ANO8: variants seen among roughly 807,000 people sequenced by gnomAD.
ANO8 encodes anoctamin-8.
ANO8 carries 67 observed loss-of-function variants against 120.4 expected under a neutral mutation model. The ratio of observed to expected loss-of-function variants is 0.56; its 90% confidence interval spans 0.46 to 0.68. ANO8 has a LOEUF of 0.68. Ranked by LOEUF, ANO8 falls within the 30% of genes least tolerant of loss-of-function variation. The probability of loss-of-function intolerance (pLI) is 0.00; values close to 1 mark genes in which losing one functional copy is unlikely to be tolerated. For missense variants in ANO8, 1,526 were observed against 1,737.6 expected, an observed-to-expected ratio of 0.88 and a Z score of 2.16; for synonymous variants, 727 against 759.2, an observed-to-expected ratio of 0.96 and a Z score of 0.70.
rs536558508 is a variant in ANO8, at chr19:17,333,227, C to T, written c.363G>A (p.Gly121=). Residue 121 remains glycine, a synonymous_variant, in exon 4 of 18, where the codon GGG becomes GGA. Coordinates refer to ENST00000159087, the MANE Select transcript of ANO8 (RefSeq NM_020959.3). This position sits in a 1 kb window ranked among gnomAD's most constrained non-coding sequence, Gnocchi z 7.2. Reference sequence around the variant, plus strand: ...CTTTGCGCAGACCCAGCTCGTCGGCCCCTCGGAGTAGGCTGTGAAGAAGGC... The same window carrying T: ...CTTTGCGCAGACCCAGCTCGTCGGCTCCTCGGAGTAGGCTGTGAAGAAGGC... The part of the protein sequence containing the change: ...VTATYESLLR[G]ADELGLRKAV... The T allele has an allele frequency of 6.8e-6, 11 of 1,609,896 alleles. No homozygotes were observed. Among genetic ancestry groups the T allele is most frequent in the Non-Finnish European group, 9.3e-6 (11 of 1,177,642 alleles).
Position 17,328,198 on chromosome 19 carries a change from G to C in ANO8, c.2190C>G (p.Thr730=). The C allele has an allele frequency of 6.3e-7, 1 of 1,583,010 alleles. No homozygotes were observed. The highest frequency in any genetic ancestry group is 8.6e-7 in the Non-Finnish European group (1 of 1,157,220). ...PPEEEHSPQL[T]QAELESCMKK... is the part of the protein sequence containing the mutation. ...TCATACAGCTCTCCAGCTCTGCCTG[G>C]GTGAGCTGGGGCGAGTGTTCCTCCT... The change falls in exon 13 of 18, where the codon ACC becomes ACG. Residue 730 remains threonine (T), a synonymous_variant. Transcript: ENST00000159087.
rs2074352108 is a variant in ANO8 at position 17,334,847 on chromosome 19, C to T, written c.-177G>A. 1 of 1,303,540 alleles carries T rather than the reference C, an allele frequency of 7.7e-7. No homozygotes were observed. Among genetic ancestry groups the T allele is most frequent in the Non-Finnish European group, 1.0e-6 (1 of 983,552 alleles). 80.7% of individuals were successfully genotyped at this position (1,303,540 alleles called of 1,614,324 possible). On this transcript the variant is annotated 5_prime_UTR_variant, in exon 1 of 18. Coordinates refer to ENST00000159087, the MANE Select transcript of ANO8 (RefSeq NM_020959.3). ...GCTTCTCGTCCCCGCCCGAGCCGAA[C>T]CTCGATTCTCCTTCCCGGCCCGATG...
chr19:17,334,384 C>T (rs1003236434), intron 1 of ANO8, among the ~76,000 whole-genome samples, 181 bp downstream of exon 1: 1 of 152,194 alleles, frequency 6.6e-6, no homozygotes, highest in South Asian at 2.1e-4. Flanking sequence ...GCGCCGGGAC[C>T]CCAGCCCGAA....
In ANO8 at chr19:17,323,815, GGCGGCGGCGCGGGGCTCCGGCT is replaced by G. The variant is rs1599541652; in HGVS notation, c.3379_3400del (p.Ser1127ArgfsTer185). 2 of 1,140,854 alleles carry G rather than the reference GGCGGCGGCGCGGGGCTCCGGCT, an allele frequency of 1.8e-6. No individual in the cohort carries two copies. Among genetic ancestry groups the G allele is most frequent in the Non-Finnish European group, 2.2e-6 (2 of 929,540 alleles). 70.7% of individuals were successfully genotyped at this position (1,140,854 alleles called of 1,614,324 possible). A position where few individuals can be genotyped will look rare whatever the true frequency, so the allele number is the denominator to read the frequency against. Reference sequence around the variant, plus strand: ...CGGGGGCCGGGGCAGCGGCATTGGCGGCGGCGGCGCGGGGCTCCGGCTGCGGCGGGTGCGGAGGGCAGGGGCG... The same window carrying G: ...CGGGGGCCGGGGCAGCGGCATTGGCGGCGGCGGGTGCGGAGGGCAGGGGCG... On this transcript the variant is annotated frameshift_variant, in exon 18 of 18. Transcript: ENST00000159087. LOFTEE classifies it low-confidence loss of function (END_TRUNC).
At position 17,333,083 on chromosome 19, in the gene ANO8, G is replaced by T; in HGVS notation, c.489+18C>A. 12 of 1,613,596 alleles carry T rather than the reference G, an allele frequency of 7.4e-6. No individual in the cohort carries two copies. The highest frequency in any genetic ancestry group is 1.0e-5 in the Non-Finnish European group (12 of 1,179,764). On this transcript the variant is annotated intron_variant, in intron 4 of 17. Coordinates refer to ENST00000159087, the MANE Select transcript of ANO8 (RefSeq NM_020959.3). This position sits in a 1 kb window ranked among gnomAD's most constrained non-coding sequence, Gnocchi z 7.2. ...TCATAGGCACAGGATGCATGCGGGG[G>T]CCCAGAGCCGGCCTCACCTGGGAGG...
chr19:17,327,331 G>A lies in ANO8; in HGVS notation c.2565C>T (p.Leu855=). 3 of 1,550,518 alleles carry A rather than the reference G, an allele frequency of 1.9e-6. No individual in the cohort carries two copies. Among genetic ancestry groups the A allele is most frequent in the Non-Finnish European group, 2.6e-6 (3 of 1,146,784 alleles). ...SVVVLEHFAL[L]LKYLIHVAIP... ...TGGCCACGTGGATGAGGTACTTGAG[G>A]AGCAGAGCGAAGTGCTGCAGGGGTG... is the stretch of plus-strand genomic sequence containing the variant. The change falls in exon 16 of 18, where the codon CTC becomes CTT. Residue 855 remains leucine, a synonymous_variant. Coordinates refer to ENST00000159087, the MANE Select transcript of ANO8 (RefSeq NM_020959.3).
rs776007938 is a variant in ANO8 at position 17,324,943 on chromosome 19, G to C, written c.3105C>G (p.Thr1035=). 1 of 1,613,348 alleles carries C rather than the reference G, an allele frequency of 6.2e-7. No homozygotes were observed. The highest frequency in any genetic ancestry group is 1.1e-5 in the South Asian group (1 of 91,088). ...AGTGGCTGCGCTCAGAGTCCCGCCG[G>C]GTCTCGGGTGACTTGAGGAACTTGA... ...LSFKFLKSPE[T]RRDSERSHSP... The change falls in exon 17 of 18, where the codon ACC becomes ACG. Residue 1035 remains threonine (T), a synonymous_variant. Coordinates refer to ENST00000159087, the MANE Select transcript of ANO8 (RefSeq NM_020959.3).
intron 12 of ANO8, chr19:17,329,363 C>A (rs2145687963): frequency 2.8e-6 from 1 of 352,284 alleles, no homozygotes; most frequent in East Asian, 5.4e-5. Context: ...AGCACAGCCA[C>A]GCTGCCCACC....
intron 16 of ANO8, among the ~76,000 whole-genome samples, chr19:17,326,257 C>A (rs2145684535): frequency 6.6e-6 from 1 of 152,298 alleles, no homozygotes; most frequent in African/African-American, 2.4e-5. Context: ...CCTATAATCC[C>A]AGCACTTTGG....
Position 17,328,825 on chromosome 19 carries a change from A to C in ANO8, c.1563T>G (p.Pro521=), listed in dbSNP as rs1157143723. The change falls in exon 13 of 18, where the codon CCT becomes CCG. Residue 521 remains proline (P), a synonymous_variant. Coordinates refer to ENST00000159087, the MANE Select transcript of ANO8 (RefSeq NM_020959.3). ...CCTGGGGTTCGAGGCGGCGGGGCGCAGGGCGCCGGAGGCTCAGGAGGCCAA... is the reference window on the plus strand; with the variant it reads ...CCTGGGGTTCGAGGCGGCGGGGCGCCGGGCGCCGGAGGCTCAGGAGGCCAA... The part of the protein sequence containing the change: ...ALLGLLSLRR[P]APRRLEPQAD... The C allele has an allele frequency of 1.4e-5, 20 of 1,431,878 alleles. No individual in the cohort carries two copies. The highest frequency in any genetic ancestry group is 1.8e-5 in the Non-Finnish European group (20 of 1,097,136). 88.7% of individuals were successfully genotyped at this position (1,431,878 alleles called of 1,614,324 possible).
Position 17,333,890 on chromosome 19 carries a change from C to T in ANO8, c.107-90G>A. The T allele has an allele frequency of 9.4e-7, 1 of 1,063,462 alleles. No homozygotes were observed. Among genetic ancestry groups the T allele is most frequent in the Non-Finnish European group, 1.4e-6 (1 of 711,676 alleles). 65.9% of individuals were successfully genotyped at this position (1,063,462 alleles called of 1,614,324 possible). A position where few individuals can be genotyped will look rare whatever the true frequency, so the allele number is the denominator to read the frequency against. ...GGCTCCTCCTGCCCCCGCCAGGGCT[C>T]CTCACCACTCCACCTGGCATTCAAG... is the stretch of plus-strand genomic sequence containing the variant. On this transcript the variant is annotated intron_variant, in intron 1 of 17. Coordinates refer to ENST00000159087, the MANE Select transcript of ANO8 (RefSeq NM_020959.3). The surrounding 1 kb of genome is among the most constrained non-coding windows in gnomAD (Gnocchi z 7.2).
rs1243497640 is a variant in ANO8 at position 17,330,019 on chromosome 19, G to C, written c.1274-5C>G. 1 of 1,613,972 alleles carries C rather than the reference G, an allele frequency of 6.2e-7. No individual in the cohort carries two copies. Among genetic ancestry groups the C allele is most frequent in the South Asian group, 1.1e-5 (1 of 91,072 alleles). On this transcript the variant is annotated splice_region_variant and splice_polypyrimidine_tract_variant and intron_variant, in intron 10 of 17. Transcript: ENST00000159087. ...CGCTCTCCAGCCGGTAATTTTCTAG[G>C]GGCCAAGGGGGGGAGTGAGGGGGCA...
chr19:17,329,678 T>G, intron 12 of ANO8, 79 bp downstream of exon 12: 1 of 1,138,306 alleles, frequency 8.8e-7, no homozygotes, highest in Non-Finnish European at 1.3e-6. Flanking sequence ...GGAGAGCCCT[T>G]GGACCCCTTG....
chr19:17,334,516 G>T, intron 1 of ANO8, 49 bp downstream of exon 1: 1 of 1,431,874 alleles, frequency 7.0e-7, no homozygotes, highest in Non-Finnish European at 9.4e-7. Flanking sequence ...GTTGACGCGG[G>T]CTCCCCAGGC....
chr19:17,330,120 C>T lies in ANO8; in HGVS notation c.1273+5G>A, dbSNP rs536951297. On this transcript the variant is annotated splice_donor_5th_base_variant and intron_variant, in intron 10 of 17. Transcript: ENST00000159087. ...TCCTCCCAGAGACCCCCTGGCAGGT[C>T]GTACCCATGTCATTGAGCCAGATGG... 3.7e-6 allele frequency: 6 copies of T among 1,614,030 alleles called. No individual in the cohort carries two copies. The highest frequency in any genetic ancestry group is 1.3e-5 in the African/African-American group (1 of 75,020).
rs1226015264 is a variant in ANO8 at position 17,329,983 on chromosome 19, C to T, written c.1305G>A (p.Lys435=). The change falls in exon 11 of 18, where the codon AAG becomes AAA. Residue 435 remains lysine, a synonymous_variant. Transcript: ENST00000159087. The part of the protein sequence containing the change: ...ENYRLESAYE[K]HLIIKVVLFQ... ...CCAGGACAACTTTGATGATGAGGTG[C>T]TTCTCATAGGCGCTCTCCAGCCGGT... is the stretch of plus-strand genomic sequence containing the variant. The T allele has an allele frequency of 6.2e-7, 1 of 1,613,900 alleles. No homozygotes were observed. Among genetic ancestry groups the T allele is most frequent in the Non-Finnish European group, 8.5e-7 (1 of 1,180,022 alleles).
rs756331944 is a variant in ANO8 at position 17,325,394 on chromosome 19, T to A, written c.2662-8A>T. 3 of 1,572,564 alleles carry A rather than the reference T, an allele frequency of 1.9e-6. No individual in the cohort carries two copies. In the African/African-American group the frequency reaches 4.0e-5, roughly 21 times the overall value. On this transcript the variant is annotated splice_polypyrimidine_tract_variant and splice_region_variant and intron_variant, in intron 16 of 17. Coordinates refer to ENST00000159087, the MANE Select transcript of ANO8 (RefSeq NM_020959.3). ...GGCCTGGCGCTCGTGTCTCTGCAGG[T>A]AGAGCCAAGCCGTTACAGGACTAAG...
chr19:17,328,208 G>A lies in ANO8; in HGVS notation c.2180C>T (p.Pro727Leu), dbSNP rs748105742. ...WIDPPEEEHSPQLTQAELESC... is the reference protein window; with the variant it reads ...WIDPPEEEHSLQLTQAELESC... Reference sequence around the variant, plus strand: ...CTCCAGCTCTGCCTGGGTGAGCTGGGGCGAGTGTTCCTCCTCCGGCGGGTC... The same window carrying A: ...CTCCAGCTCTGCCTGGGTGAGCTGGAGCGAGTGTTCCTCCTCCGGCGGGTC... Residue 727 changes from proline (P) to leucine (L), a missense_variant, in exon 13 of 18, where the codon CCC (proline) becomes CTC (leucine). This residue lies in a region of ANO8 where 467 missense variants were observed against 425.8 expected (regional missense o/e 1.10). Transcript: ENST00000159087. 1.9e-6 allele frequency: 3 copies of A among 1,599,772 alleles called. No homozygotes were observed. Among genetic ancestry groups the A allele is most frequent in the Admixed American group, 1.7e-5 (1 of 59,624 alleles).
chr19:17,326,511 A>G (rs2074274505), intron 16 of ANO8, among the ~76,000 whole-genome samples: 1 of 152,192 alleles, frequency 6.6e-6, no homozygotes, highest in South Asian at 2.1e-4. Context: ...TCTGTCTCAA[A>G]GAAAAAACAA....
Sources: gnomAD v4.1 joint callset for allele counts (sites outside exome capture counted in the v4.1 genomes callset) on GRCh38, gnomAD v4.1.1 for gene constraint, gnomAD v4.1.1 regional missense constraint, Gnocchi (gnomAD v3.1) non-coding constraint, MANE v1.5 for transcripts, NCBI Gene and HGNC (gene_info 2026-07-23, HGNC 2026-07-21) for gene names.